Variants in NLGN3 observed in about 807,000 individuals in gnomAD.
The protein encoded by NLGN3 is neuroligin-3.
A neutral mutation model predicts 42.9 loss-of-function variants in NLGN3; 11 were observed. That is an observed-to-expected ratio of 0.26 (90% CI 0.16 to 0.42). The LOEUF is 0.42. Among genes scored for constraint, NLGN3 ranks in the 10% least tolerant of loss-of-function variants. NLGN3 has a pLI of 1.00. For missense variants in NLGN3, 374 were observed against 733.8 expected (o/e 0.51, Z 5.67); for synonymous variants, 279 against 312.7 (o/e 0.89, Z 1.14).
At chrX:71,168,832 AGAAAGAAAGAAAG>A (rs2092457984) in intron 7 of NLGN3, among the ~76,000 whole-genome samples, 4 of 82,099 alleles carry the variant, frequency 4.9e-5, no homozygotes, top group African/African-American at 2.1e-4. Flanking sequence ...AAAGAAAGAA[AGAAAGAAAGAAAG>A]AAAGAAAGAA....
chrX:71,155,150 G>T, intron 4 of NLGN3, 64 bp from the exon 5 acceptor site: 1 of 1,172,928 alleles, frequency 8.5e-7, no homozygotes, highest in Non-Finnish European at 1.2e-6. Flanking sequence ...CACCCCCTGG[G>T]CTGGCAGGGG....
chrX:71,162,266 G>C (rs983445998), intron 5 of NLGN3, among the ~76,000 whole-genome samples: 2 of 110,843 alleles, frequency 1.8e-5, no homozygotes, highest in African/African-American at 6.6e-5. Flanking sequence ...GGGACCACAG[G>C]CATGCACCAC....
intron 5 of NLGN3, among the ~76,000 whole-genome samples, chrX:71,158,666 G>A (rs1386102202): frequency 1.8e-5 from 2 of 111,241 alleles, no homozygotes; most frequent in African/African-American, 6.5e-5. Context: ...AGAAAGCAAG[G>A]AAGAGAAGAA....
At chrX:71,145,695 GA>G (rs1259336395) in intron 1 of NLGN3, among the ~76,000 whole-genome samples, 7 of 108,132 alleles carry the variant, frequency 6.5e-5, no homozygotes, top group Non-Finnish European at 1.3e-4. Context: ...GGGCTGCAGG[GA>G]ATTGACTCAA....
chrX:71,163,450 C>CA (rs771932108), intron 5 of NLGN3, among the ~76,000 whole-genome samples: 12 of 111,419 alleles, frequency 1.1e-4, no homozygotes, highest in Non-Finnish European at 1.9e-4. Context: ...GGAAGGGGGC[C>CA]ATCAAGGCCC....
intron 1 of NLGN3, among the ~76,000 whole-genome samples, chrX:71,146,706 T>A (rs1440520419): frequency 1.8e-5 from 2 of 111,699 alleles, no homozygotes; most frequent in Non-Finnish European, 3.8e-5. Flanking sequence ...AATATCGCAG[T>A]GTCTGTGATC....
rs755793747 is a variant in NLGN3 at position 71,167,396 on chromosome X, C to T, written c.1299C>T (p.Val433=). The T allele has an allele frequency of 8.3e-6, 10 of 1,211,722 alleles. No individual in the cohort carries two copies. The highest frequency in any genetic ancestry group is 1.1e-5 in the Non-Finnish European group (10 of 895,502). ...CTGGCACTGACTTTGACTATTCCGT[C>T]TCCAATTTTGTGGACAATCTGTATG... ...GVSGTDFDYS[V]SNFVDNLYGY... The change falls in exon 7 of 8, where the codon GTC becomes GTT. Residue 433 remains valine (V), a synonymous_variant. Transcript: ENST00000358741.
At chrX:71,171,677 T>C (rs933362868), downstream of NLGN3, 15 of 747,594 alleles carry the variant, frequency 2.0e-5, no homozygotes, top group Admixed American at 7.2e-4. Flanking sequence ...GTGGACTCCC[T>C]GGCCTTGAGT....
At chrX:71,145,356 G>GC (rs1452757448) in intron 1 of NLGN3, among the ~76,000 whole-genome samples, 6 of 73,827 alleles carry the variant, frequency 8.1e-5, no homozygotes, top group Non-Finnish European at 1.5e-4. Flanking sequence ...ACTATCTGCA[G>GC]CCCCCCCACC....
rs1456568105 is a variant in NLGN3 at position 71,169,605 on chromosome X, G to A, written c.2055G>A (p.Gly685=). ...SPAYSNENAQ[G]SWNGDQDAGP... is the part of the protein sequence containing the mutation. ...CCTACAGCAACGAGAATGCCCAGGG[G>A]TCCTGGAACGGGGACCAGGATGCAG... The change falls in exon 8 of 8, where the codon GGG becomes GGA. Residue 685 remains glycine, a synonymous_variant. Coordinates refer to ENST00000358741, the MANE Select transcript of NLGN3 (RefSeq NM_181303.2). The A allele has an allele frequency of 1.7e-6, 2 of 1,211,880 alleles. No individual in the cohort carries two copies. Among genetic ancestry groups the A allele is most frequent in the Non-Finnish European group, 2.2e-6 (2 of 895,359 alleles).
intron 3 of NLGN3, among the ~76,000 whole-genome samples, 182 bp downstream of exon 3, chrX:71,149,087 G>C (rs1001270614): frequency 1.8e-5 from 2 of 111,142 alleles, no homozygotes; most frequent in Non-Finnish European, 3.8e-5. Flanking sequence ...GGTGGCCTAA[G>C]GCAGGCTCAG....
chrX:71,148,545 CT>C (rs1464341639), intron 2 of NLGN3, among the ~76,000 whole-genome samples: 4 of 111,695 alleles, frequency 3.6e-5, no homozygotes, highest in Non-Finnish European at 5.7e-5. Flanking sequence ...CCAGGCCCCC[CT>C]GTTGCCATTC....
intron 7 of NLGN3, among the ~76,000 whole-genome samples, chrX:71,168,756 A>T (rs2092455811): frequency 9.8e-6 from 1 of 101,524 alleles, no homozygotes; most frequent in African/African-American, 3.6e-5. Context: ...AGAGAAAGAA[A>T]GAGAGAGAGA....
intron 3 of NLGN3, among the ~76,000 whole-genome samples, chrX:71,150,968 G>T (rs1032381023): frequency 4.5e-5 from 5 of 111,617 alleles, no homozygotes; most frequent in African/African-American, 1.6e-4. Context: ...GAAAGATTTA[G>T]AAATGACTAA....
rs1464129672 is a variant in NLGN3, at chrX:71,170,162, CACACACACACACACACGCAG to C, written c.*82_*101del. On this transcript the variant is annotated 3_prime_UTR_variant, in exon 8 of 8. Coordinates refer to ENST00000358741, the MANE Select transcript of NLGN3 (RefSeq NM_181303.2). ...TCCCAGATCCAGGAACACATGCACACACACACACACACACACGCAGACACACACACACACACACATATATG... is the reference window on the plus strand; with the variant it reads ...TCCCAGATCCAGGAACACATGCACACACACACACACACACACACATATATG... 4.2e-6 allele frequency: 5 copies of C among 1,181,291 alleles called. No individual in the cohort carries two copies. In the South Asian group the frequency reaches 7.2e-5, roughly 17 times the overall value.
chrX:71,147,743 C>T lies in NLGN3; in HGVS notation c.-7C>T, dbSNP rs2092375797. 1.7e-6 allele frequency: 2 copies of T among 1,202,904 alleles called. No individual in the cohort carries two copies. The highest frequency in any genetic ancestry group is 3.0e-5 in the East Asian group (1 of 33,620). ...CTGCCTCTCCTGCCAGTCCCCCTGC[C>T]CGGAACATGTGGCTGCGGCTTGGCC... On this transcript the variant is annotated 5_prime_UTR_variant, in exon 2 of 8. Coordinates refer to ENST00000358741, the MANE Select transcript of NLGN3 (RefSeq NM_181303.2).
chrX:71,158,624 A>G (rs2092418189), intron 5 of NLGN3, among the ~76,000 whole-genome samples: 1 of 111,905 alleles, frequency 8.9e-6, no homozygotes, highest in Non-Finnish European at 1.9e-5. Context: ...GGAATGAAGA[A>G]AGAGAGCATG....
intron 3 of NLGN3, 27 bp downstream of exon 3, chrX:71,148,932 GA>G: frequency 1.1e-6 from 1 of 915,509 alleles, no homozygotes; most frequent in Non-Finnish European, 1.5e-6. Context: ...CGGGGAGGGA[GA>G]GAGAGAGAGA....
At chrX:71,157,573 C>T (rs1396713248) in intron 5 of NLGN3, among the ~76,000 whole-genome samples, 2 of 110,932 alleles carry the variant, frequency 1.8e-5, no homozygotes, top group Non-Finnish European at 3.8e-5. Context: ...ATCTGCCTGC[C>T]TCAGCCTCCC....
Sources: allele counts gnomAD v4.1 joint callset (sites outside exome capture counted in the v4.1 genomes callset), GRCh38; gene constraint gnomAD v4.1.1; transcripts MANE v1.5; gene names NCBI Gene and HGNC (gene_info 2026-07-23, HGNC 2026-07-21).